Variants in QRICH2 observed in about 807,000 individuals in gnomAD.
The protein encoded by QRICH2 is glutamine-rich protein 2.
Under a neutral mutation model 168.3 loss-of-function variants are expected in QRICH2, and 119 were observed. That is an observed-to-expected ratio of 0.71 (90% CI 0.61 to 0.82). The LOEUF is 0.82. Among genes scored for constraint, QRICH2 ranks in the 40% least tolerant of loss-of-function variants. QRICH2 has a pLI of 0.00. For synonymous variants in QRICH2, 894 were observed against 951.2 expected (o/e 0.94, Z 1.11); for missense variants, 2,241 against 2,491.6 (o/e 0.90, Z 2.14).
chr17:76,276,842 G>A, intron 16 of QRICH2, 75 bp from the exon 17 acceptor site: 1 of 1,165,812 alleles, frequency 8.6e-7, no homozygotes, highest in Non-Finnish European at 1.3e-6. Flanking sequence ...CGGGACTGAG[G>A]CACAGAGCAC....
In QRICH2 at chr17:76,277,282, A is replaced by T. The variant is rs371618093; in HGVS notation, c.5146T>A (p.Ser1716Thr). The T allele has an allele frequency of 1.8e-5, 29 of 1,607,800 alleles. No individual in the cohort carries two copies. Among genetic ancestry groups the T allele is most frequent in the African/African-American group, 2.7e-5 (2 of 74,478 alleles). Residue 1716 changes from serine to threonine, a missense_variant, in exon 16 of 19, where the codon TCA (serine) becomes ACA (threonine). Transcript: ENST00000680821. ...RVTDMADYTY[S>T]TVPRRCGGSH... ...CCCCCGCAGCGCCGGGGCACAGTTGAGTAGGTGTAATCAGCCATATCTGTC... is the reference window on the plus strand; with the variant it reads ...CCCCCGCAGCGCCGGGGCACAGTTGTGTAGGTGTAATCAGCCATATCTGTC...
In QRICH2 at chr17:76,281,700, A is replaced by G; in HGVS notation, c.4263+164T>C. On this transcript the variant is annotated intron_variant, in intron 8 of 18. Coordinates refer to ENST00000680821, the MANE Select transcript of QRICH2 (RefSeq NM_001388453.1). The surrounding 1 kb of genome is among the most constrained non-coding windows in gnomAD (Gnocchi z 4.4). ...GCTGCTACCCTCGCTGTGGACCTGC[A>G]GAAAGACCAGGGACTCTTGTGGGAT... 6.6e-6 allele frequency among the ~76,000 whole-genome samples: 1 copy of G among 152,220 alleles called. No homozygotes were observed. Among genetic ancestry groups the G allele is most frequent in the East Asian group, 1.9e-4 (1 of 5,200 alleles).
chr17:76,275,432 G>A (rs1249449278), intron 18 of QRICH2, among the ~76,000 whole-genome samples: 1 of 152,186 alleles, frequency 6.6e-6, no homozygotes, highest in Non-Finnish European at 1.5e-5. Context: ...GCAGAGAGAG[G>A]TTCCTCCATG....
Position 76,308,075 on chromosome 17 carries a change from G to A in QRICH2, c.-77C>T. On this transcript the variant is annotated 5_prime_UTR_variant, in exon 1 of 19. Coordinates refer to ENST00000680821, the MANE Select transcript of QRICH2 (RefSeq NM_001388453.1). ...CGCTCACTGCACGCCGCGCCTTGGG[G>A]CCTTTCGGGGGCCCTGCGAGGTCCT... The A allele has an allele frequency of 1.6e-6, 2 of 1,228,248 alleles. No individual in the cohort carries two copies. Among genetic ancestry groups the A allele is most frequent in the Non-Finnish European group, 1.0e-6 (1 of 985,922 alleles). 76.1% of individuals were successfully genotyped at this position (1,228,248 alleles called of 1,614,324 possible).
chr17:76,293,055 T>C lies in QRICH2; in HGVS notation c.1672A>G (p.Thr558Ala). ...QGFVQPSLEA[T>A]GFIQPGTEQH... ...TCTGTGCCAGGTTGTATGAAGCCAG[T>C]TGCTTCCAAACTGGGCTGCACAAAA... Residue 558 changes from threonine (T) to alanine (A), a missense_variant, in exon 4 of 19, where the codon ACT becomes GCT. Physicochemically the swap from Thr to Ala is moderately conservative, Grantham distance 58. Around this residue, in one of 3 missense-constraint regions of QRICH2, gnomAD observed 2,047 missense variants for 2,303.8 expected, o/e 0.89. Transcript: ENST00000680821. 6.2e-7 allele frequency: 1 copy of C among 1,614,204 alleles called. No individual in the cohort carries two copies. Among genetic ancestry groups the C allele is most frequent in the South Asian group, 1.1e-5 (1 of 91,084 alleles).
At chr17:76,310,820 A>G (rs1179311009), upstream of QRICH2, 2 of 150,558 alleles carry the variant, frequency 1.3e-5, no homozygotes, top group East Asian at 3.9e-4. Context: ...ACAAGGATTT[A>G]GCTTCAACAC....
At chr17:76,275,373 A>C (rs573310236) in intron 18 of QRICH2, among the ~76,000 whole-genome samples, 25 of 152,254 alleles carry the variant, frequency 1.6e-4, no homozygotes, top group African/African-American at 5.8e-4. Flanking sequence ...TTCAGGCCCA[A>C]CTTAGCTCCT....
intron 3 of QRICH2, among the ~76,000 whole-genome samples, chr17:76,304,112 G>T (rs1173082515): frequency 1.3e-5 from 2 of 152,116 alleles, no homozygotes; most frequent in African/African-American, 2.4e-5. Context: ...AGCGCTGGGG[G>T]GATGTCAGGG....
intron 3 of QRICH2, among the ~76,000 whole-genome samples, chr17:76,297,233 G>A (rs956291551): frequency 1.3e-5 from 2 of 152,176 alleles, no homozygotes; most frequent in African/African-American, 2.4e-5. Context: ...ATGGCCGGGT[G>A]TGGTGTCCCA....
intron 6 of QRICH2, 75 bp from the exon 7 acceptor site, chr17:76,287,381 G>A (rs1041657019): frequency 2.4e-5 from 24 of 991,326 alleles, no homozygotes; most frequent in Admixed American, 1.5e-4. Context: ...CATCAGGGAC[G>A]CAGGGGGATG....
In QRICH2 at chr17:76,279,133, G is replaced by T. The variant is rs753686038; in HGVS notation, c.4824C>A (p.Pro1608=). The change falls in exon 14 of 19, where the codon CCC becomes CCA. Residue 1608 remains proline (P), a synonymous_variant. Coordinates refer to ENST00000680821, the MANE Select transcript of QRICH2 (RefSeq NM_001388453.1). The part of the protein sequence containing the change: ...LETPVTGHAI[P]VTPAGPGLPG... ...GTAGGCCTGGACCCGCGGGGGTCACGGGGATGGCACTGGGCAGGGACAGAG... is the reference window on the plus strand; with the variant it reads ...GTAGGCCTGGACCCGCGGGGGTCACTGGGATGGCACTGGGCAGGGACAGAG... 6.2e-7 allele frequency: 1 copy of T among 1,612,574 alleles called. No individual in the cohort carries two copies. The highest frequency in any genetic ancestry group is 8.5e-7 in the Non-Finnish European group (1 of 1,179,576).
rs754539662 is a variant in QRICH2 at position 76,291,219 on chromosome 17, C to T, written c.3508G>A (p.Glu1170Lys). Residue 1170 changes from glutamate (E) to lysine (K), a missense_variant, in exon 4 of 19, where the codon GAA (glutamate) becomes AAA (lysine). Coordinates refer to ENST00000680821, the MANE Select transcript of QRICH2 (RefSeq NM_001388453.1). ...TCACTCAGGACTTCACTCGAGACTTCGCTCCCTTCTGATAAGACTCGGTCG... is the reference window on the plus strand; with the variant it reads ...TCACTCAGGACTTCACTCGAGACTTTGCTCCCTTCTGATAAGACTCGGTCG... ...SVDRVLSEGSEVSSEVLSERR... is the reference protein window; with the variant it reads ...SVDRVLSEGSKVSSEVLSERR... 7.2e-5 allele frequency: 117 copies of T among 1,614,084 alleles called. 2 individuals are homozygous for T. The South Asian group carries it at 9.6e-4, about 13-fold the overall frequency.
At chr17:76,287,088 A>ACACACACACACAC in intron 7 of QRICH2, 104 bp downstream of exon 7, 1 of 331,968 alleles carries the variant, frequency 3.0e-6, no homozygotes. Context: ...ACACACACAC[A>ACACACACACACAC]TGATGGGAGG....
In QRICH2 at chr17:76,278,158, C is replaced by T; in HGVS notation, c.4948G>A (p.Asp1650Asn). 2 of 1,610,220 alleles carry T rather than the reference C, an allele frequency of 1.2e-6. No individual in the cohort carries two copies. Among genetic ancestry groups the T allele is most frequent in the Non-Finnish European group, 1.7e-6 (2 of 1,180,028 alleles). ...LKLGSAFPRG[D>N]LAQMEQSVGR... is the part of the protein sequence containing the mutation. Reference sequence around the variant, plus strand: ...ACGCTCTGCTCCATCTGCGCCAGGTCACCCCGAGGGAAGGCGCTGCCCAGC... The same window carrying T: ...ACGCTCTGCTCCATCTGCGCCAGGTTACCCCGAGGGAAGGCGCTGCCCAGC... The change falls in exon 15 of 19, where the codon GAC becomes AAC. Residue 1650 changes from aspartate (D) to asparagine (N), a missense_variant. Around this residue, in one of 3 missense-constraint regions of QRICH2, gnomAD observed 2,047 missense variants for 2,303.8 expected, o/e 0.89. Transcript: ENST00000680821.
chr17:76,307,182 A>T lies in QRICH2; in HGVS notation c.534+283T>A, dbSNP rs1400785612. ...AAGGAGGGGGTGGGATGGGGCCACTACACTTAGGAGGTGGGGTCCCCAGGC... is the reference window on the plus strand; with the variant it reads ...AAGGAGGGGGTGGGATGGGGCCACTTCACTTAGGAGGTGGGGTCCCCAGGC... On this transcript the variant is annotated intron_variant, in intron 1 of 18. Coordinates refer to ENST00000680821, the MANE Select transcript of QRICH2 (RefSeq NM_001388453.1). This position sits in a 1 kb window ranked among gnomAD's most constrained non-coding sequence, Gnocchi z 5.3. Among the ~76,000 whole-genome samples, 1 of 152,054 alleles carries T rather than the reference A, an allele frequency of 6.6e-6. No individual in the cohort carries two copies. Among genetic ancestry groups the T allele is most frequent in the African/African-American group, 2.4e-5 (1 of 41,392 alleles).
chr17:76,276,383 C>G (rs2070679783), intron 17 of QRICH2, among the ~76,000 whole-genome samples: 1 of 152,204 alleles, frequency 6.6e-6, no homozygotes, highest in African/African-American at 2.4e-5. Context: ...GGAGGAGGCC[C>G]TGATGATGCC....
chr17:76,298,510 G>A (rs925772389), intron 3 of QRICH2, among the ~76,000 whole-genome samples: 15 of 151,964 alleles, frequency 9.9e-5, no homozygotes, highest in Admixed American at 9.2e-4. Context: ...TTGTAGAGAC[G>A]GGGTCTTAAT....
At chr17:76,305,129 G>A (rs929912770) in intron 1 of QRICH2, among the ~76,000 whole-genome samples, 188 bp from the exon 2 acceptor site, 2 of 151,344 alleles carry the variant, frequency 1.3e-5, no homozygotes, top group Non-Finnish European at 2.9e-5. Context: ...TATGGAAAGG[G>A]AGGGTTTCTT....
At position 76,280,221 on chromosome 17, in the gene QRICH2, G is replaced by A. The variant is rs1191462859; in HGVS notation, c.4626+66C>T. The A allele has an allele frequency of 1.1e-5, 18 of 1,607,614 alleles. No individual in the cohort carries two copies. The East Asian group carries it at 2.9e-4, about 26-fold the overall frequency. On this transcript the variant is annotated intron_variant, in intron 11 of 18. Coordinates refer to ENST00000680821, the MANE Select transcript of QRICH2 (RefSeq NM_001388453.1). This position sits in a 1 kb window ranked among gnomAD's most constrained non-coding sequence, Gnocchi z 7.4. Reference sequence around the variant, plus strand: ...AGGTAGGGGGCTGACCCAGGAGAAGGTGGTGCTGTCCCGATCCTGGGGGCA... The same window carrying A: ...AGGTAGGGGGCTGACCCAGGAGAAGATGGTGCTGTCCCGATCCTGGGGGCA...
Sources: allele counts gnomAD v4.1 joint callset (sites outside exome capture counted in the v4.1 genomes callset), GRCh38; gene constraint gnomAD v4.1.1; regional missense constraint gnomAD v4.1.1; non-coding constraint Gnocchi (gnomAD v3.1); transcripts MANE v1.5; gene names NCBI Gene and HGNC (gene_info 2026-07-23, HGNC 2026-07-21).